TUBGCP6: variants seen among roughly 807,000 people sequenced by gnomAD.
TUBGCP6 encodes tubulin gamma complex component 6, also known as gamma-tubulin complex component 6.
In TUBGCP6, 161 loss-of-function variants were observed where a neutral mutation model predicts 175.8. The observed-to-expected ratio is 0.92, with a 90% CI of 0.81 to 1.04. The LOEUF is 1.04. Among genes scored for constraint, TUBGCP6 ranks in the 50% least tolerant of loss-of-function variants. TUBGCP6 has a pLI of 0.00. For missense variants in TUBGCP6, 2,572 were observed against 2,433.0 expected (o/e 1.06, Z -1.20); for synonymous variants, 1,173 against 1,030.5 (o/e 1.14, Z -2.65).
chr22:50,237,675 T>C (rs571180162), intron 2 of TUBGCP6, among the ~76,000 whole-genome samples: 1 of 152,170 alleles, frequency 6.6e-6, no homozygotes, highest in Admixed American at 6.5e-5. Context: ...GGCCCCACCG[T>C]GCCGGAGCTC....
intron 2 of TUBGCP6, among the ~76,000 whole-genome samples, chr22:50,239,784 G>A (rs1320474708): frequency 6.6e-6 from 1 of 152,220 alleles, no homozygotes; most frequent in African/African-American, 2.4e-5. Flanking sequence ...CATGCCCAGT[G>A]AGCATTTCTT....
At chr22:50,226,249 A>G (rs1261618260) in intron 8 of TUBGCP6, 38 bp downstream of exon 8, 3 of 1,613,998 alleles carry the variant, frequency 1.9e-6, no homozygotes, top group Non-Finnish European at 2.5e-6. Flanking sequence ...CCAGGCCCAC[A>G]GGCACGGACC....
At chr22:50,241,152 A>G (rs1280714449) in intron 1 of TUBGCP6, among the ~76,000 whole-genome samples, 1 of 152,254 alleles carries the variant, frequency 6.6e-6, no homozygotes, top group Admixed American at 6.5e-5. Flanking sequence ...CAAGATTATA[A>G]TAATCTTCGC....
chr22:50,243,274 C>T (rs1448612790), intron 1 of TUBGCP6, among the ~76,000 whole-genome samples: 1 of 152,100 alleles, frequency 6.6e-6, no homozygotes, highest in African/African-American at 2.4e-5. Flanking sequence ...ATGGTGAAAC[C>T]CCATCTCTAC....
Position 50,228,034 on chromosome 22 carries a change from G to T in TUBGCP6, c.1291-6C>A. 2.6e-6 allele frequency: 4 copies of T among 1,538,886 alleles called. No individual in the cohort carries two copies. The highest frequency in any genetic ancestry group is 3.5e-6 in the Non-Finnish European group (4 of 1,139,870). ...CTCAGGCCACTGGTGAAGGCCTGTGGGCAAAGAGGCTGGGAGGAGGGCGGC... is the reference window on the plus strand; with the variant it reads ...CTCAGGCCACTGGTGAAGGCCTGTGTGCAAAGAGGCTGGGAGGAGGGCGGC... On this transcript the variant is annotated splice_region_variant and splice_polypyrimidine_tract_variant and intron_variant, in intron 4 of 24. Coordinates refer to ENST00000248846, the MANE Select transcript of TUBGCP6 (RefSeq NM_020461.4).
Position 50,224,607 on chromosome 22 carries a change from T to C in TUBGCP6, c.1984-15A>G. ...ATACGTAATTCCTGAGAAAGACAAC[T>C]GGTAATCAAAGCATCCTGGCCGGGC... On this transcript the variant is annotated splice_polypyrimidine_tract_variant and intron_variant, in intron 10 of 24. Transcript: ENST00000248846. 6.2e-7 allele frequency: 1 copy of C among 1,613,050 alleles called. No homozygotes were observed. Among genetic ancestry groups the C allele is most frequent in the Non-Finnish European group, 8.5e-7 (1 of 1,179,858 alleles).
intron 1 of TUBGCP6, among the ~76,000 whole-genome samples, chr22:50,241,877 C>T (rs1046682780): frequency 6.8e-6 from 1 of 146,912 alleles, no homozygotes; most frequent in Admixed American, 7.0e-5. Context: ...GCTGTTTTTT[C>T]TTCTATCTCT....
In TUBGCP6 at chr22:50,221,713, C is replaced by A; in HGVS notation, c.2646G>T (p.Gln882His). Reference sequence around the variant, plus strand: ...AGAAGGGTCTGGCCCCCTCCGCCTGCTGCAGCCCCCTGCCACCAGCCCCCA... The same window carrying A: ...AGAAGGGTCTGGCCCCCTCCGCCTGATGCAGCCCCCTGCCACCAGCCCCCA... The part of the protein sequence containing the change: ...LAVGAGGRGL[Q>H]QAEGARPFSD... The change falls in exon 16 of 25, where the codon CAG (glutamine) becomes CAT (histidine). Residue 882 changes from glutamine (Q) to histidine (H), a missense_variant. Gln to His is a conservative substitution (Grantham distance 24). Coordinates refer to ENST00000248846, the MANE Select transcript of TUBGCP6 (RefSeq NM_020461.4). The A allele has an allele frequency of 6.6e-7, 1 of 1,515,390 alleles. No individual in the cohort carries two copies. The highest frequency in any genetic ancestry group is 8.8e-7 in the Non-Finnish European group (1 of 1,133,212). 93.9% of individuals were successfully genotyped at this position (1,515,390 alleles called of 1,614,324 possible). A position where few individuals can be genotyped will look rare whatever the true frequency, so the allele number is the denominator to read the frequency against.
chr22:50,224,887 C>T (rs2064582551), intron 10 of TUBGCP6, among the ~76,000 whole-genome samples: 1 of 152,124 alleles, frequency 6.6e-6, no homozygotes, highest in South Asian at 2.1e-4. Context: ...CGCTGCACTC[C>T]AGCCTCCTGG....
Position 50,227,977 on chromosome 22 carries a change from G to A in TUBGCP6, c.1342C>T (p.Leu448Phe), listed in dbSNP as rs2064637457. The change falls in exon 5 of 25, where the codon CTT becomes TTT. Residue 448 changes from leucine (L) to phenylalanine (F), a missense_variant. Physicochemically the swap from Leu to Phe is conservative, Grantham distance 22. Transcript: ENST00000248846. ...AGGCTCAGGGTGGGCGGAGTGGAAA[G>A]GACGCAGGCCCGGTAATACTGCAGG... ...RYLQYYRACV[L>F]STPPTLSLLT... The A allele has an allele frequency of 6.4e-7, 1 of 1,571,750 alleles. No individual in the cohort carries two copies. Among genetic ancestry groups the A allele is most frequent in the Middle Eastern group, 1.7e-4 (1 of 5,778 alleles).
In TUBGCP6 at chr22:50,219,337, T is replaced by A; in HGVS notation, c.4435A>T (p.Thr1479Ser). Residue 1479 changes from threonine (T) to serine (S), a missense_variant, in exon 19 of 25, where the codon ACG (threonine) becomes TCG (serine). Coordinates refer to ENST00000248846, the MANE Select transcript of TUBGCP6 (RefSeq NM_020461.4). Reference sequence around the variant, plus strand: ...GAGCGCTTCATGAGCACGGGCAGCGTCAGCAACTCGCTCAGCTGCACAGCA... The same window carrying A: ...GAGCGCTTCATGAGCACGGGCAGCGACAGCAACTCGCTCAGCTGCACAGCA... ...ETAVQLSELLTLPVLMKRSIT... is the reference protein window; with the variant it reads ...ETAVQLSELLSLPVLMKRSIT... 6.3e-7 allele frequency: 1 copy of A among 1,598,172 alleles called. No individual in the cohort carries two copies. The highest frequency in any genetic ancestry group is 2.3e-5 in the East Asian group (1 of 44,268).
At chr22:50,235,185 C>G (rs549073467) in intron 2 of TUBGCP6, among the ~76,000 whole-genome samples, 1 of 37,480 alleles carries the variant, frequency 2.7e-5, no homozygotes, top group African/African-American at 1.7e-4. Flanking sequence ...CCCCTATTCA[C>G]GGCAGCATCA....
chr22:50,219,157 G>A lies in TUBGCP6; in HGVS notation c.4537C>T (p.Leu1513=). The part of the protein sequence containing the change: ...AVDYFFVELH[L]EAHYEALRHF... ...CGCAGTGCCTCATAGTGCGCCTCCA[G>A]GTGCAGCTCCACGAAGAAGTAGTCG... Residue 1513 remains leucine, a synonymous_variant, in exon 20 of 25, where the codon CTG becomes TTG. Coordinates refer to ENST00000248846, the MANE Select transcript of TUBGCP6 (RefSeq NM_020461.4). 1.2e-6 allele frequency: 2 copies of A among 1,612,832 alleles called. No individual in the cohort carries two copies. Among genetic ancestry groups the A allele is most frequent in the Non-Finnish European group, 1.7e-6 (2 of 1,180,000 alleles).
At chr22:50,232,978 G>A (rs2064713241) in intron 3 of TUBGCP6, among the ~76,000 whole-genome samples, 1 of 152,334 alleles carries the variant, frequency 6.6e-6, no homozygotes, top group East Asian at 1.9e-4. Context: ...CTCTCGGCAG[G>A]CAGATGCTCC....
chr22:50,221,979 G>C (rs1357790527), intron 15 of TUBGCP6, 49 bp downstream of exon 15: 12 of 1,608,900 alleles, frequency 7.5e-6, no homozygotes, highest in Non-Finnish European at 1.0e-5. Context: ...CAGGTGCCGA[G>C]GGCTATGGGA....
At chr22:50,232,957 G>T (rs2064712876) in intron 3 of TUBGCP6, among the ~76,000 whole-genome samples, 1 of 152,218 alleles carries the variant, frequency 6.6e-6, no homozygotes, top group African/African-American at 2.4e-5. Context: ...GCAGGCCCCA[G>T]TCTCGGGACG....
At chr22:50,227,823 G>T in intron 5 of TUBGCP6, 84 bp downstream of exon 5, 3 of 1,513,906 alleles carry the variant, frequency 2.0e-6, no homozygotes, top group Non-Finnish European at 2.7e-6. Flanking sequence ...TCCTTGCCAG[G>T]GAGCAGGGCA....
At chr22:50,240,034 C>T (rs1418542994) in intron 2 of TUBGCP6, 170 bp downstream of exon 2, 2 of 875,258 alleles carry the variant, frequency 2.3e-6, no homozygotes, top group East Asian at 2.7e-5. Context: ...TTCCCCTCTG[C>T]ATCTCTCTTA....
chr22:50,229,610 G>GCCAGGCAC, intron 3 of TUBGCP6, 33 bp from the exon 4 acceptor site: 1 of 1,553,242 alleles, frequency 6.4e-7, no homozygotes, highest in Non-Finnish European at 8.7e-7. Context: ...GGTCACAGAG[G>GCCAGGCAC]CCAGGCACCC....
Sources: allele counts gnomAD v4.1 joint callset (sites outside exome capture counted in the v4.1 genomes callset), GRCh38; gene constraint gnomAD v4.1.1; transcripts MANE v1.5; gene names NCBI Gene and HGNC (gene_info 2026-07-23, HGNC 2026-07-21).